The following CES5A variants were observed in gnomAD, a reference collection of about 807,000 sequenced individuals.
CES5A encodes carboxylesterase 5.
In CES5A, 67 loss-of-function variants were observed where a neutral mutation model predicts 62.9. The ratio of observed to expected loss-of-function variants is 1.07; its 90% CI spans 0.88 to 1.31. The LOEUF is 1.31. Among genes scored for constraint, CES5A ranks in the 50% most tolerant of loss-of-function variants. CES5A has a pLI of 0.00. For synonymous variants in CES5A, 296 were observed against 280.8 expected, an observed-to-expected ratio of 1.05 and a Z score of -0.54; for missense variants, 748 against 708.5, an observed-to-expected ratio of 1.06 and a Z score of -0.63.
At chr16:55,898,001 T>C (rs2033951722) in intron 1 of CES5A, among the ~76,000 whole-genome samples, 1 of 152,278 alleles carries the variant, frequency 6.6e-6, no homozygotes, top group Admixed American at 6.5e-5. Flanking sequence ...AGTCCCAGAA[T>C]GTAAAGTTGA....
At chr16:55,865,860 G>A (rs2033445641) in intron 5 of CES5A, 103 bp downstream of exon 5, 2 of 1,283,764 alleles carry the variant, frequency 1.6e-6, no homozygotes, top group African/African-American at 2.9e-5. Flanking sequence ...TGTATTAAAG[G>A]GTTTGTTCAA....
intron 1 of CES5A, among the ~76,000 whole-genome samples, chr16:55,896,406 A>G (rs539965100): frequency 4.5e-4 from 69 of 152,288 alleles, no homozygotes; most frequent in Non-Finnish European, 8.8e-4. Flanking sequence ...CTCTTTGTAC[A>G]TGCCTGCTCC....
chr16:55,851,725 T>C (rs1308887461), intron 10 of CES5A, among the ~76,000 whole-genome samples: 3 of 142,210 alleles, frequency 2.1e-5, no homozygotes, highest in South Asian at 2.1e-4. Context: ...TTATAGCCAA[T>C]AGGCAAATGT....
chr16:55,924,491 A>G (rs1470787397), intron 1 of CES5A, among the ~76,000 whole-genome samples: 1 of 152,088 alleles, frequency 6.6e-6, no homozygotes, highest in African/African-American at 2.4e-5. Flanking sequence ...AAATGACCAT[A>G]CTACCCAAAG....
chr16:55,954,660 G>T (rs930963085), intron 1 of CES5A, among the ~76,000 whole-genome samples: 1 of 152,150 alleles, frequency 6.6e-6, no homozygotes, highest in African/African-American at 2.4e-5. Flanking sequence ...CGGGAGAGAG[G>T]TGTGGAACCT....
chr16:55,926,814 C>G (rs1222245572), upstream of CES5A, among the ~76,000 whole-genome samples: 1 of 152,178 alleles, frequency 6.6e-6, no homozygotes, highest in Admixed American at 6.5e-5. Flanking sequence ...CTGTGAGCAG[C>G]CCAAAAAACT....
At chr16:55,927,893 G>C (rs1241815800), upstream of CES5A, among the ~76,000 whole-genome samples, 1 of 152,122 alleles carries the variant, frequency 6.6e-6, no homozygotes, top group African/African-American at 2.4e-5. Flanking sequence ...CAACTGACAA[G>C]TGGATAAAAA....
intron 1 of CES5A, among the ~76,000 whole-genome samples, chr16:55,902,076 C>G (rs2033995594): frequency 6.6e-6 from 1 of 152,188 alleles, no homozygotes; most frequent in Admixed American, 6.5e-5. Context: ...CATTTGGCTG[C>G]TGAATACTGC....
At chr16:55,900,137 C>T (rs1173702276) in intron 1 of CES5A, among the ~76,000 whole-genome samples, 1 of 152,148 alleles carries the variant, frequency 6.6e-6, no homozygotes, top group Non-Finnish European at 1.5e-5. Context: ...AGAAGCCTGA[C>T]CTCCATCGCA....
chr16:55,850,200 A>C (rs189459829), intron 10 of CES5A, among the ~76,000 whole-genome samples: 2 of 152,256 alleles, frequency 1.3e-5, no homozygotes, highest in East Asian at 3.9e-4. Context: ...TCATTTTCTT[A>C]ACAATATTTT....
chr16:55,881,990 C>T (rs531546718), intron 1 of CES5A, among the ~76,000 whole-genome samples: 7 of 152,000 alleles, frequency 4.6e-5, no homozygotes, highest in Non-Finnish European at 8.8e-5. Flanking sequence ...TCATGGTAAT[C>T]CTAGAAGTAA....
chr16:55,853,073 G>T, intron 9 of CES5A, 45 bp from the exon 10 acceptor site: 1 of 1,600,562 alleles, frequency 6.2e-7, no homozygotes. Flanking sequence ...CAACCACAAT[G>T]GCCAACACGT....
intron 1 of CES5A, among the ~76,000 whole-genome samples, chr16:55,894,328 G>T (rs1250070864): frequency 6.6e-6 from 1 of 151,786 alleles, no homozygotes; most frequent in Non-Finnish European, 1.5e-5. Context: ...CCAACATAGT[G>T]AAACCCCATC....
rs566209534 is a variant in CES5A at position 55,943,304 on chromosome 16, G to A, written c.160+6481C>T. Among the ~76,000 whole-genome samples, 300 of 152,260 alleles carry A rather than the reference G, an allele frequency of 2.0e-3. 1 individual carries two copies. The highest frequency in any genetic ancestry group is 3.6e-3 in the Non-Finnish European group (247 of 68,008). ...AGTAGGAAGATCAGGATTATTGTACGAATGAGTAAACTGCGAGAGATCAGA... is the reference window on the plus strand; with the variant it reads ...AGTAGGAAGATCAGGATTATTGTACAAATGAGTAAACTGCGAGAGATCAGA... On this transcript the variant is annotated intron_variant, in intron 2 of 13. Coordinates refer to the CES5A transcript ENST00000521992.
rs578218470 is a variant in CES5A, at chr16:55,875,210, A to G, written c.12T>C (p.Asn4=). Reference sequence around the variant, plus strand: ...TTAGGATCTGGCCTGGGTGCACCCAATTCCCACTCATTTGGCTGCCTGCCT... The same window carrying G: ...TTAGGATCTGGCCTGGGTGCACCCAGTTCCCACTCATTTGGCTGCCTGCCT... MSG[N]WVHPGQILIW... is the part of the protein sequence containing the mutation. Residue 4 remains asparagine, a synonymous_variant, in exon 1 of 13, where the codon AAT becomes AAC. Coordinates refer to ENST00000290567, the MANE Select transcript of CES5A (RefSeq NM_001143685.2). 4 of 1,613,612 alleles carry G rather than the reference A, an allele frequency of 2.5e-6. No individual in the cohort carries two copies. In the East Asian group the frequency reaches 6.7e-5, roughly 27 times the overall value.
chr16:55,928,714 T>C (rs2142466678), upstream of CES5A, among the ~76,000 whole-genome samples: 2 of 152,340 alleles, frequency 1.3e-5, no homozygotes, highest in South Asian at 4.1e-4. Context: ...AATATAAAGT[T>C]TGCTCAGCTT....
chr16:55,871,844 G>A, intron 2 of CES5A, 81 bp from the exon 3 acceptor site: 4 of 1,498,282 alleles, frequency 2.7e-6, no homozygotes, highest in Non-Finnish European at 2.7e-6. Flanking sequence ...CTGACAGCGG[G>A]GAGGCCTGGC....
intron 2 of CES5A, among the ~76,000 whole-genome samples, chr16:55,943,112 C>T (rs139032270): frequency 4.3e-4 from 66 of 152,276 alleles, no homozygotes; most frequent in African/African-American, 1.5e-3. Context: ...ATTTTCCAAA[C>T]TCATGAAATT....
chr16:55,863,276 T>A, intron 6 of CES5A, 72 bp downstream of exon 6: 4 of 851,936 alleles, frequency 4.7e-6, no homozygotes. Context: ...AAACACATGG[T>A]GAGAAGGTGC....
Sources: gnomAD v4.1 joint callset for allele counts (sites outside exome capture counted in the v4.1 genomes callset) on GRCh38, gnomAD v4.1.1 for gene constraint, MANE v1.5 for transcripts, NCBI Gene and HGNC (gene_info 2026-07-23, HGNC 2026-07-21) for gene names.